Variants in KDM6A observed in about 807,000 individuals in gnomAD.
KDM6A encodes the protein lysine-specific demethylase 6A.
In KDM6A, 11 loss-of-function variants were observed where a neutral mutation model predicts 117.6. The observed-to-expected ratio is 0.09, with a 90% CI of 0.06 to 0.15. The LOEUF (loss-of-function observed/expected upper bound fraction) is 0.15. KDM6A is among the 10% of genes least tolerant of loss of function. KDM6A has a pLI of 1.00. For synonymous variants in KDM6A, 384 were observed against 396.1 expected (o/e 0.97, Z 0.36); for missense variants, 799 against 1,077.3 (o/e 0.74, Z 3.62).
At chrX:44,914,180 A>G (rs748429022) in intron 2 of KDM6A, among the ~76,000 whole-genome samples, 1 of 111,825 alleles carries the variant, frequency 8.9e-6, no homozygotes, top group Admixed American at 9.5e-5. Context: ...GACACCAAAA[A>G]CTTTATTCCC....
At chrX:45,037,891 G>A (rs905017677) in intron 8 of KDM6A, among the ~76,000 whole-genome samples, 1 of 111,687 alleles carries the variant, frequency 9.0e-6, no homozygotes, top group Non-Finnish European at 1.9e-5. Context: ...TGCTTGCTGT[G>A]TACAAATTAA....
At chrX:45,039,225 C>T (rs2042944193) in intron 8 of KDM6A, among the ~76,000 whole-genome samples, 1 of 110,382 alleles carries the variant, frequency 9.1e-6, no homozygotes, top group South Asian at 3.9e-4. Context: ...CCCCCTCTGC[C>T]TCCCCATCCC....
chrX:45,100,509 G>C (rs1023458747), intron 27 of KDM6A, among the ~76,000 whole-genome samples: 1 of 111,723 alleles, frequency 9.0e-6, no homozygotes, highest in Non-Finnish European at 1.9e-5. Flanking sequence ...GTCAAAAACA[G>C]AATGCCAAGG....
chrX:44,989,887 A>G (rs2040477591), intron 4 of KDM6A, among the ~76,000 whole-genome samples: 1 of 111,904 alleles, frequency 8.9e-6, no homozygotes, highest in Non-Finnish European at 1.9e-5. Flanking sequence ...CAAAATAGTA[A>G]ATATTTTAGG....
intron 4 of KDM6A, among the ~76,000 whole-genome samples, chrX:44,986,373 T>C: frequency 8.9e-6 from 1 of 111,825 alleles, no homozygotes; most frequent in East Asian, 2.8e-4. Context: ...CCTGGATTCA[T>C]TGATTTTTTT....
chrX:44,949,643 A>G (rs191714198), intron 2 of KDM6A, among the ~76,000 whole-genome samples: 9 of 111,632 alleles, frequency 8.1e-5, no homozygotes, highest in Admixed American at 1.9e-4. Flanking sequence ...CATAAACCCT[A>G]TCTCTTCCAC....
At chrX:44,921,127 C>T (rs1013296283) in intron 2 of KDM6A, among the ~76,000 whole-genome samples, 1 of 110,781 alleles carries the variant, frequency 9.0e-6, no homozygotes, top group Non-Finnish European at 1.9e-5. Context: ...CCTGCCTCGG[C>T]CTCCCAAAAT....
chrX:44,875,542 T>G (rs899040085), intron 2 of KDM6A, among the ~76,000 whole-genome samples: 2 of 110,829 alleles, frequency 1.8e-5, no homozygotes, highest in Non-Finnish European at 3.8e-5. Context: ...GCGTCAGTAA[T>G]TGTTGGTCTC....
chrX:44,966,027 A>G (rs2038990181), intron 3 of KDM6A, among the ~76,000 whole-genome samples: 1 of 111,918 alleles, frequency 8.9e-6, no homozygotes. Context: ...AGGTTTACAT[A>G]TGAGGCTACG....
intron 2 of KDM6A, among the ~76,000 whole-genome samples, chrX:44,949,567 TAAATC>T (rs778656741): frequency 9.0e-6 from 1 of 111,262 alleles, no homozygotes; most frequent in East Asian, 2.8e-4. Flanking sequence ...GTTCAAGAAA[TAAATC>T]TAAGTGCCTA....
At chrX:45,047,443 C>CGA (rs2043592471) in intron 8 of KDM6A, among the ~76,000 whole-genome samples, 1 of 101,791 alleles carries the variant, frequency 9.8e-6, no homozygotes, top group Non-Finnish European at 2.0e-5. Flanking sequence ...TGTATGCTTT[C>CGA]TAGTGACTTG....
At chrX:45,017,514 G>C (rs185961686) in intron 5 of KDM6A, among the ~76,000 whole-genome samples, 142 of 100,996 alleles carry the variant, frequency 1.4e-3, no homozygotes, top group Non-Finnish European at 2.4e-3. Context: ...CTCCCCCAGT[G>C]TTTTTATTTC....
chrX:44,882,679 G>C (rs1474811550), intron 2 of KDM6A, among the ~76,000 whole-genome samples: 1 of 112,192 alleles, frequency 8.9e-6, no homozygotes, highest in Non-Finnish European at 1.9e-5. Context: ...TTGTTTTCAA[G>C]ATACAGTAGT....
chrX:44,953,534 A>G (rs1307201627), intron 2 of KDM6A, among the ~76,000 whole-genome samples: 1 of 112,162 alleles, frequency 8.9e-6, no homozygotes, highest in Non-Finnish European at 1.9e-5. Flanking sequence ...GGAAAAGTAT[A>G]TGTGCTTACA....
At position 45,107,683 on chromosome X, in the gene KDM6A, C is replaced by T. The variant is rs1291882626; in HGVS notation, c.4161+147C>T. The T allele has an allele frequency of 1.5e-5, 8 of 550,340 alleles. No homozygotes were observed. The African/African-American group carries it at 1.9e-4, about 13-fold the overall frequency. The allele number at this position is 550,340 out of a possible 1,213,427, so 45.4% of individuals were successfully genotyped here. ...ATTGGATTCAATTTTGTTGCTTAGC[C>T]ATTATATTAAAATTCAGTGTGATAA... On this transcript the variant is annotated intron_variant, in intron 28 of 29. Coordinates refer to ENST00000611820, the MANE Select transcript of KDM6A (RefSeq NM_001291415.2).
intron 10 of KDM6A, among the ~76,000 whole-genome samples, chrX:45,055,856 G>A (rs1475044621): frequency 1.8e-5 from 2 of 111,525 alleles, no homozygotes; most frequent in Non-Finnish European, 3.8e-5. Flanking sequence ...ATACAGTAGT[G>A]TGTAGATGTC....
At chrX:45,027,321 C>T (rs765266579) in intron 6 of KDM6A, among the ~76,000 whole-genome samples, 3 of 94,969 alleles carry the variant, frequency 3.2e-5, no homozygotes, top group African/African-American at 1.6e-4. Context: ...CACACACACA[C>T]GCAACATAGT....
At chrX:45,027,336 A>AAC (rs200245833) in intron 6 of KDM6A, among the ~76,000 whole-genome samples, 3,418 of 98,033 alleles carry the variant, frequency 0.035, 57 homozygotes, top group Middle Eastern at 0.062. Flanking sequence ...CATAGTGTGA[A>AAC]ACACACACAC....
Position 45,062,637 on chromosome X carries a change from C to T in KDM6A, c.1582-10C>T. ...TCTTTGACTATATTCTCTTTTTGTT[C>T]TTCTTCTAGCATTTGGAACAGCTCC... On this transcript the variant is annotated splice_polypyrimidine_tract_variant and intron_variant, in intron 15 of 29. Transcript: ENST00000611820. 1 of 1,151,898 alleles carries T rather than the reference C, an allele frequency of 8.7e-7. No homozygotes were observed. Among genetic ancestry groups the T allele is most frequent in the Non-Finnish European group, 1.2e-6 (1 of 842,011 alleles). The allele number at this position is 1,151,898 out of a possible 1,213,427, so 94.9% of individuals were successfully genotyped here.
Sources: allele counts gnomAD v4.1 joint callset (sites outside exome capture counted in the v4.1 genomes callset), GRCh38; gene constraint gnomAD v4.1.1; transcripts MANE v1.5; gene names NCBI Gene and HGNC (gene_info 2026-07-23, HGNC 2026-07-21).